The following KCNT1 variants were observed in gnomAD, a reference collection of about 807,000 sequenced individuals.
The protein encoded by KCNT1 is potassium channel subfamily T member 1.
KCNT1 carries 78 observed loss-of-function variants against 147.8 expected under a neutral mutation model. The ratio of observed to expected loss-of-function variants is 0.53; its 90% CI spans 0.44 to 0.64. The LOEUF (loss-of-function observed/expected upper bound fraction) is 0.64. KCNT1 is among the 30% of genes least tolerant of loss of function. The pLI is 0.00. For synonymous variants in KCNT1, 867 were observed against 748.8 expected (o/e 1.16, Z -2.58); for missense variants, 1,419 against 1,750.3 (o/e 0.81, Z 3.38).
At chr9:135,770,605 G>A (rs571516470) in intron 17 of KCNT1, among the ~76,000 whole-genome samples, 158 bp downstream of exon 17, 6 of 152,310 alleles carry the variant, frequency 3.9e-5, no homozygotes, top group African/African-American at 1.2e-4. Flanking sequence ...GGCAGCCGCA[G>A]GACTGGGCTC....
chr9:135,791,675 A>C, intron 29 of KCNT1, 122 bp from the exon 30 acceptor site: 1 of 814,524 alleles, frequency 1.2e-6, no homozygotes, highest in Non-Finnish European at 2.0e-6. Flanking sequence ...GTGCTGGAGC[A>C]GAATGGTCAG....
intron 2 of KCNT1, among the ~76,000 whole-genome samples, chr9:135,745,287 C>T (rs1271619114): frequency 3.3e-5 from 5 of 152,190 alleles, no homozygotes; most frequent in Admixed American, 3.3e-4. Flanking sequence ...CGGGAGTTCT[C>T]GGTCATCTCC....
chr9:135,777,912 C>A (rs574950664), intron 21 of KCNT1, among the ~76,000 whole-genome samples: 1 of 150,950 alleles, frequency 6.6e-6, no homozygotes, highest in East Asian at 2.0e-4. Flanking sequence ...TCACTCCCAG[C>A]TCCTCCCTGC....
intron 29 of KCNT1, among the ~76,000 whole-genome samples, chr9:135,788,328 G>A (rs963488638): frequency 3.3e-5 from 5 of 152,268 alleles, no homozygotes; most frequent in East Asian, 3.9e-4. Flanking sequence ...CTCGCATGCC[G>A]ACAGAGTGTC....
chr9:135,791,765 G>T, intron 29 of KCNT1, 32 bp from the exon 30 acceptor site: 1 of 1,596,626 alleles, frequency 6.3e-7, no homozygotes, highest in South Asian at 1.1e-5. Context: ...AGGGCTGGGG[G>T]GGTGACGTCT....
chr9:135,758,321 C>T lies in KCNT1; in HGVS notation c.760-93C>T, dbSNP rs567273683. ...AGCCGAGACGCAGGTGTGGCCGGGCCGTCTGCTTTCCACTGTCCTTCTAGT... is the reference window on the plus strand; with the variant it reads ...AGCCGAGACGCAGGTGTGGCCGGGCTGTCTGCTTTCCACTGTCCTTCTAGT... On this transcript the variant is annotated intron_variant, in intron 9 of 30. Coordinates refer to ENST00000371757, the MANE Select transcript of KCNT1 (RefSeq NM_020822.3). 3.0e-4 allele frequency: 262 copies of T among 876,318 alleles called. 1 individual carries two copies. The highest frequency in any genetic ancestry group is 3.7e-4 in the Non-Finnish European group (206 of 556,046). The allele number at this position is 876,318 out of a possible 1,614,324, so 54.3% of individuals were successfully genotyped here.
At chr9:135,708,246 A>G (rs973419421) in intron 1 of KCNT1, among the ~76,000 whole-genome samples, 4 of 152,208 alleles carry the variant, frequency 2.6e-5, no homozygotes, top group Admixed American at 6.5e-5. Flanking sequence ...CCACATGTGC[A>G]CATGTATACA....
At chr9:135,715,550 A>AGGGCTCCGTCACCATCCAGCCCT (rs1835689681) in intron 2 of KCNT1, among the ~76,000 whole-genome samples, 2 of 149,042 alleles carry the variant, frequency 1.3e-5, no homozygotes, top group Non-Finnish European at 3.0e-5. Flanking sequence ...CACTGTCTCC[A>AGGGCTCCGTCACCATCCAGCCCT]GGGCTCCGTC....
At position 135,770,029 on chromosome 9, in the gene KCNT1, C is replaced by T. The variant is rs749641549; in HGVS notation, c.1593C>T (p.Thr531=). 7.7e-6 allele frequency: 12 copies of T among 1,553,294 alleles called. No individual in the cohort carries two copies. In the East Asian group the frequency reaches 2.9e-4, roughly 38 times the overall value. The part of the protein sequence containing the change: ...CICPATSTLI[T]LLVHTSRGQE... ...GCCCGGCGACCTCCACCCTCATCAC[C>T]CTGCTGGTGCACACGTCCCGCGGCC... Residue 531 remains threonine (T), a synonymous_variant, in exon 16 of 31, where the codon ACC becomes ACT. Transcript: ENST00000371757.
intron 27 of KCNT1, 85 bp from the exon 28 acceptor site, chr9:135,785,225 A>C: frequency 6.3e-7 from 1 of 1,578,490 alleles, no homozygotes; most frequent in Non-Finnish European, 8.6e-7. Flanking sequence ...AGCCCTAAGC[A>C]TGTTCCGTGC....
chr9:135,706,473 C>T (rs1294185207), intron 1 of KCNT1, among the ~76,000 whole-genome samples: 2 of 152,212 alleles, frequency 1.3e-5, no homozygotes, highest in South Asian at 2.1e-4. Flanking sequence ...CAGCTGCCAC[C>T]GTCTCCTCCT....
chr9:135,787,985 G>A (rs537669117), intron 29 of KCNT1: 159 of 760,082 alleles, frequency 2.1e-4, no homozygotes, highest in Admixed American at 3.8e-4. Flanking sequence ...TCTGGTGGCC[G>A]GCCTCCCGTG....
rs369101729 is a variant in KCNT1 at position 135,759,704 on chromosome 9, C to T, written c.880C>T (p.Arg294Trp). ...TGTCGIQHLE[R>W]AGENLSLLTS... Reference sequence around the variant, plus strand: ...GACCTGCGGCATCCAGCACCTGGAGCGGGCGGGCGAGAACCTGTCCCTCCT... The same window carrying T: ...GACCTGCGGCATCCAGCACCTGGAGTGGGCGGGCGAGAACCTGTCCCTCCT... The change falls in exon 11 of 31, where the codon CGG becomes TGG. Residue 294 changes from arginine (R) to tryptophan (W), a missense_variant. This residue lies in a region of KCNT1 where 401 missense variants were observed against 610.6 expected (regional missense o/e 0.66). Transcript: ENST00000371757. The T allele has an allele frequency of 9.3e-6, 15 of 1,610,608 alleles. No homozygotes were observed. Among genetic ancestry groups the T allele is most frequent in the Non-Finnish European group, 6.8e-6 (8 of 1,178,136 alleles).
chr9:135,736,777 G>T (rs926236598), intron 2 of KCNT1: 26 of 377,902 alleles, frequency 6.9e-5, no homozygotes, highest in African/African-American at 4.4e-4. Context: ...GGGCAGCGAC[G>T]TGGGCCAGAG....
intron 2 of KCNT1, among the ~76,000 whole-genome samples, chr9:135,740,207 G>T (rs545945084): frequency 6.6e-6 from 1 of 152,286 alleles, no homozygotes; most frequent in South Asian, 2.1e-4. Flanking sequence ...AGATACTGGG[G>T]GTCAGGACTT....
Position 135,770,985 on chromosome 9 carries a change from C to T in KCNT1, c.1898C>T (p.Ser633Leu), listed in dbSNP as rs377750450. 3.7e-6 allele frequency: 6 copies of T among 1,613,942 alleles called. No individual in the cohort carries two copies. Among genetic ancestry groups the T allele is most frequent in the South Asian group, 1.1e-5 (1 of 91,034 alleles). ...ATCAACATCACCAAGGAGGAGAACT[C>T]GGCCTTCATCTTCAAGCAGGAGGAG... Reference protein sequence around the residue: ...FYINITKEENSAFIFKQEEKR... With the variant: ...FYINITKEENLAFIFKQEEKR... Residue 633 changes from serine to leucine, a missense_variant, in exon 18 of 31, where the codon TCG (serine) becomes TTG (leucine). By Grantham distance (145) the Ser-to-Leu change is moderately radical (BLOSUM62 -2). Coordinates refer to ENST00000371757, the MANE Select transcript of KCNT1 (RefSeq NM_020822.3).
At chr9:135,786,636 ATCTGTCTGTCT>A in intron 29 of KCNT1, 115 bp downstream of exon 29, 1 of 1,016,134 alleles carries the variant, frequency 9.8e-7, no homozygotes, top group South Asian at 1.8e-5. Flanking sequence ...CCTGTCTGTC[ATCTGTCTGTCT>A]GTCAGCCTTT....
intron 2 of KCNT1, among the ~76,000 whole-genome samples, chr9:135,718,865 C>T (rs531994105): frequency 1.3e-4 from 20 of 152,324 alleles, no homozygotes; most frequent in Non-Finnish European, 2.2e-4. Context: ...AAGAGCTCGG[C>T]GGGCCATGTG....
intron 1 of KCNT1, among the ~76,000 whole-genome samples, chr9:135,710,907 C>G (rs528547961): frequency 2.6e-5 from 4 of 152,344 alleles, no homozygotes; most frequent in African/African-American, 9.6e-5. Flanking sequence ...AGCTTCCAGT[C>G]CATCTCTCAG....
Sources: allele counts gnomAD v4.1 joint callset (sites outside exome capture counted in the v4.1 genomes callset), GRCh38; gene constraint gnomAD v4.1.1; regional missense constraint gnomAD v4.1.1; transcripts MANE v1.5; gene names NCBI Gene and HGNC (gene_info 2026-07-23, HGNC 2026-07-21).